UBR3: variants seen among roughly 807,000 people sequenced by gnomAD.
The protein encoded by UBR3 is E3 ubiquitin-protein ligase UBR3.
UBR3 carries 85 observed loss-of-function variants against 243.2 expected under a neutral mutation model. The ratio of observed to expected loss-of-function variants is 0.35; its 90% CI spans 0.29 to 0.42. UBR3 has a LOEUF of 0.42. Among genes scored for constraint, UBR3 ranks in the 10% least tolerant of loss-of-function variants. UBR3 has a pLI of 1.00. For missense variants in UBR3, 1,686 were observed against 2,300.8 expected (o/e 0.73, Z 5.47); for synonymous variants, 748 against 799.8 (o/e 0.94, Z 1.09).
intron 5 of UBR3, among the ~76,000 whole-genome samples, chr2:169,880,099 C>CA (rs1265788706): frequency 6.6e-5 from 10 of 152,088 alleles, no homozygotes; most frequent in Non-Finnish European, 1.5e-4. Context: ...GGCGAGTTCT[C>CA]AGAGTAGGAG....
At chr2:170,056,297 C>T (rs1010006839) in intron 33 of UBR3, among the ~76,000 whole-genome samples, 17 of 152,114 alleles carry the variant, frequency 1.1e-4, no homozygotes, top group Admixed American at 1.1e-3. Context: ...TGAGCCACCG[C>T]GCCCGGCCAG....
At chr2:170,004,381 T>C (rs2089830980) in intron 27 of UBR3, among the ~76,000 whole-genome samples, 1 of 152,096 alleles carries the variant, frequency 6.6e-6, no homozygotes, top group Non-Finnish European at 1.5e-5. Flanking sequence ...GGTCATGTAG[T>C]GGTATGTTTG....
At chr2:170,053,734 TGA>T (rs2091274363) in intron 32 of UBR3, among the ~76,000 whole-genome samples, 1 of 152,180 alleles carries the variant, frequency 6.6e-6, no homozygotes, top group East Asian at 1.9e-4. Context: ...CAGGACTTGG[TGA>T]TTATTTTAAT....
At chr2:169,945,257 A>G (rs894539620) in intron 20 of UBR3, among the ~76,000 whole-genome samples, 7 of 152,088 alleles carry the variant, frequency 4.6e-5, no homozygotes, top group East Asian at 3.9e-4. Context: ...AAGGTCAACT[A>G]GGAATAGACA....
chr2:169,955,504 C>T (rs2087237309), intron 23 of UBR3, among the ~76,000 whole-genome samples: 1 of 151,702 alleles, frequency 6.6e-6, no homozygotes, highest in Admixed American at 6.6e-5. Flanking sequence ...ATAAGATGTT[C>T]CAGGCTTGGC....
chr2:169,937,771 T>C (rs1273214771), intron 19 of UBR3, among the ~76,000 whole-genome samples: 4 of 152,168 alleles, frequency 2.6e-5, no homozygotes, highest in Non-Finnish European at 4.4e-5. Context: ...TTGAGTGCAT[T>C]GGTGGAACTA....
intron 20 of UBR3, among the ~76,000 whole-genome samples, chr2:169,943,456 G>A (rs995791532): frequency 2.0e-5 from 3 of 151,708 alleles, no homozygotes; most frequent in African/African-American, 7.3e-5. Flanking sequence ...CAAAAATTAG[G>A]TGGGTGTGGT....
At chr2:169,864,622 G>A (rs377422677) in intron 1 of UBR3, among the ~76,000 whole-genome samples, 1 of 151,844 alleles carries the variant, frequency 6.6e-6, no homozygotes, top group Non-Finnish European at 1.5e-5. Flanking sequence ...TACAAAAGAA[G>A]GCCGGGCGCG....
intron 5 of UBR3, among the ~76,000 whole-genome samples, chr2:169,889,637 C>T (rs933560431): frequency 6.6e-6 from 1 of 152,128 alleles, no homozygotes; most frequent in African/African-American, 2.4e-5. Flanking sequence ...AGTTCTGTTG[C>T]CTGGTGGATG....
chr2:169,881,731 ATATAT>A (rs1204960014), intron 5 of UBR3, among the ~76,000 whole-genome samples: 1 of 137,724 alleles, frequency 7.3e-6, no homozygotes, highest in African/African-American at 2.7e-5. Context: ...TATTTATATT[ATATAT>A]TATATAATAT....
intron 35 of UBR3, among the ~76,000 whole-genome samples, chr2:170,068,318 A>G (rs1326478414): frequency 1.3e-5 from 2 of 152,006 alleles, no homozygotes; most frequent in East Asian, 3.9e-4. Context: ...AAATACAGAA[A>G]TTAGCCGGGC....
chr2:170,039,747 C>T (rs961084467), intron 31 of UBR3, among the ~76,000 whole-genome samples: 8 of 152,270 alleles, frequency 5.3e-5, no homozygotes, highest in Middle Eastern at 3.4e-3. Flanking sequence ...TCTTCTCTGT[C>T]ATTAAAAATT....
At chr2:169,850,598 G>A (rs977021401) in intron 1 of UBR3, among the ~76,000 whole-genome samples, 6 of 152,140 alleles carry the variant, frequency 3.9e-5, no homozygotes, top group Non-Finnish European at 8.8e-5. Flanking sequence ...TAATCCCAGC[G>A]CTTTGGGAGG....
chr2:169,959,660 C>T (rs2087474477), intron 24 of UBR3, among the ~76,000 whole-genome samples: 3 of 152,072 alleles, frequency 2.0e-5, no homozygotes, highest in South Asian at 4.1e-4. Flanking sequence ...ATCCCATGAT[C>T]AGCCATCTGC....
intron 1 of UBR3, among the ~76,000 whole-genome samples, chr2:169,861,606 C>CAAA (rs56963417): frequency 5.4e-5 from 5 of 92,100 alleles, no homozygotes; most frequent in African/African-American, 1.9e-4. Flanking sequence ...GACTCTGTCT[C>CAAA]AAAAAAAAAA....
chr2:170,001,936 A>G (rs1030444195), intron 27 of UBR3, among the ~76,000 whole-genome samples: 2 of 131,638 alleles, frequency 1.5e-5, no homozygotes, highest in Admixed American at 7.4e-5. Flanking sequence ...AAAAAAAAAA[A>G]AAAAAAGAAA....
intron 1 of UBR3, among the ~76,000 whole-genome samples, chr2:169,835,285 A>G (rs1451893023): frequency 6.6e-6 from 1 of 151,430 alleles, no homozygotes; most frequent in African/African-American, 2.4e-5. Flanking sequence ...TGAGGCTGGG[A>G]GTAAGAGGCT....
chr2:169,884,314 G>T (rs1342305188), intron 5 of UBR3, among the ~76,000 whole-genome samples: 1 of 151,876 alleles, frequency 6.6e-6, no homozygotes, highest in Non-Finnish European at 1.5e-5. Context: ...CACCACACCC[G>T]GCTAATTTTT....
At chr2:169,983,883 G>C (rs2088876842) in intron 24 of UBR3, among the ~76,000 whole-genome samples, 1 of 152,104 alleles carries the variant, frequency 6.6e-6, no homozygotes, top group Non-Finnish European at 1.5e-5. Flanking sequence ...TTCTAAAAGG[G>C]CAAATGTGAA....
Sources: gnomAD v4.1 joint callset for allele counts (sites outside exome capture counted in the v4.1 genomes callset) on GRCh38, gnomAD v4.1.1 for gene constraint, MANE v1.5 for transcripts, NCBI Gene and HGNC (gene_info 2026-07-23, HGNC 2026-07-21) for gene names.